POSTN: variants seen among roughly 807,000 people sequenced by gnomAD.
POSTN encodes periostin.
A neutral mutation model predicts 104.5 loss-of-function variants in POSTN; 71 were observed. That is an observed-to-expected ratio of 0.68 (90% CI 0.56 to 0.83). The LOEUF (loss-of-function observed/expected upper bound fraction) is 0.83. Among genes scored for constraint, POSTN ranks in the 40% least tolerant of loss-of-function variants. The pLI is 0.00. For missense variants in POSTN, 949 were observed against 1,006.8 expected, an observed-to-expected ratio of 0.94 and a Z score of 0.78; for synonymous variants, 355 against 340.7, an observed-to-expected ratio of 1.04 and a Z score of -0.46.
chr13:37,582,845 G>A (rs545466012), intron 9 of POSTN, among the ~76,000 whole-genome samples: 1 of 152,270 alleles, frequency 6.6e-6, no homozygotes, highest in Admixed American at 6.5e-5. Context: ...CTGATAATTA[G>A]ATATCTGTTA....
chr13:37,573,642 A>G (rs921637306), intron 17 of POSTN, among the ~76,000 whole-genome samples: 21 of 151,732 alleles, frequency 1.4e-4, no homozygotes, highest in African/African-American at 4.8e-4. Context: ...ACAGTTTCCC[A>G]AAGATTCCAT....
In POSTN at chr13:37,563,302, G is replaced by A; in HGVS notation, c.*31C>T. 8.5e-6 allele frequency: 13 copies of A among 1,528,858 alleles called. No homozygotes were observed. The highest frequency in any genetic ancestry group is 1.2e-5 in the Non-Finnish European group (13 of 1,110,700). 94.7% of individuals were successfully genotyped at this position (1,528,858 alleles called of 1,614,324 possible). ...AAGGTCAGGTTATTGACTTAGGGTT[G>A]TATAAACATTTTTTTCTGGTTTTTG... is the stretch of plus-strand genomic sequence containing the variant. On this transcript the variant is annotated 3_prime_UTR_variant, in exon 23 of 23. Coordinates refer to ENST00000379747, the MANE Select transcript of POSTN (RefSeq NM_006475.3).
chr13:37,576,506 C>T (rs942544255), intron 16 of POSTN, among the ~76,000 whole-genome samples: 1 of 151,876 alleles, frequency 6.6e-6, no homozygotes, highest in East Asian at 1.9e-4. Flanking sequence ...TATTTTTGCT[C>T]ATTGTAATCA....
intron 7 of POSTN, among the ~76,000 whole-genome samples, chr13:37,585,785 A>G (rs1348567224): frequency 1.3e-5 from 2 of 152,192 alleles, no homozygotes; most frequent in African/African-American, 2.4e-5. Context: ...AGTTCTCACA[A>G]CTCAATATCT....
Position 37,598,185 on chromosome 13 carries a change from T to C in POSTN, c.119+423A>G, listed in dbSNP as rs570138218. Among the ~76,000 whole-genome samples the C allele has an allele frequency of 3.3e-5, 5 of 152,300 alleles. No individual in the cohort carries two copies. The East Asian group carries it at 9.6e-4, about 29-fold the overall frequency. ...CAGTATTTAACCTTCATATGTAATTTAAATAAAATTTTCTCTAACATCATG... is the reference window on the plus strand; with the variant it reads ...CAGTATTTAACCTTCATATGTAATTCAAATAAAATTTTCTCTAACATCATG... On this transcript the variant is annotated intron_variant, in intron 1 of 22. Coordinates refer to ENST00000379747, the MANE Select transcript of POSTN (RefSeq NM_006475.3).
chr13:37,569,089 A>G (rs939597098), intron 21 of POSTN: 1 of 375,184 alleles, frequency 2.7e-6, no homozygotes, highest in East Asian at 4.2e-5. Flanking sequence ...ACTTTATACC[A>G]TAGAACTTTT....
intron 2 of POSTN, among the ~76,000 whole-genome samples, chr13:37,593,383 T>C (rs1259706866): frequency 1.3e-5 from 2 of 151,126 alleles, no homozygotes; most frequent in Non-Finnish European, 3.0e-5. Context: ...TCATCTAACA[T>C]AGGTAGCCTA....
chr13:37,571,291 T>C (rs1950255222), intron 18 of POSTN, 78 bp downstream of exon 18: 2 of 939,906 alleles, frequency 2.1e-6, no homozygotes, highest in South Asian at 3.3e-5. Flanking sequence ...ATATCAGATG[T>C]TCAATATTTC....
intron 16 of POSTN, 137 bp from the exon 17 acceptor site, chr13:37,574,789 T>C: frequency 1.7e-6 from 2 of 1,155,838 alleles, no homozygotes; most frequent in South Asian, 1.9e-5. Flanking sequence ...GGCAGTCAGA[T>C]ACAGGAAATA....
intron 21 of POSTN, 131 bp from the exon 22 acceptor site, chr13:37,564,691 T>G (rs930849849): frequency 2.1e-6 from 1 of 483,440 alleles, no homozygotes; most frequent in African/African-American, 2.0e-5. Flanking sequence ...TTTTTAGTAG[T>G]TAAATTTTAT....
intron 22 of POSTN, 78 bp from the exon 23 acceptor site, chr13:37,563,448 A>G: frequency 1.2e-6 from 1 of 866,210 alleles, no homozygotes; most frequent in Non-Finnish European, 1.7e-6. Flanking sequence ...TATTCTCTGT[A>G]TATCTATCAG....
rs748381447 is a variant in POSTN, at chr13:37,563,303, T to C, written c.*30A>G. The C allele has an allele frequency of 2.0e-6, 3 of 1,537,838 alleles. No homozygotes were observed. Among genetic ancestry groups the C allele is most frequent in the Non-Finnish European group, 2.7e-6 (3 of 1,117,284 alleles). ...AGGTCAGGTTATTGACTTAGGGTTG[T>C]ATAAACATTTTTTTCTGGTTTTTGG... On this transcript the variant is annotated 3_prime_UTR_variant, in exon 23 of 23. Transcript: ENST00000379747.
chr13:37,581,624 G>A (rs963092267), intron 10 of POSTN, among the ~76,000 whole-genome samples: 2 of 152,064 alleles, frequency 1.3e-5, no homozygotes, highest in Non-Finnish European at 2.9e-5. Flanking sequence ...TCAGAAGACC[G>A]AGGTGGGAGG....
intron 19 of POSTN, 24 bp downstream of exon 19, chr13:37,570,556 T>G (rs1950234353): frequency 6.9e-7 from 1 of 1,444,164 alleles, no homozygotes. Context: ...TAGGCATAGA[T>G]CCATGTATGG....
chr13:37,569,200 TAACCCA>T, intron 21 of POSTN, 94 bp downstream of exon 21: 1 of 721,076 alleles, frequency 1.4e-6, no homozygotes, highest in African/African-American at 1.9e-5. Context: ...TTTTTTTTTT[TAACCCA>T]ATTAAAAGAA....
Position 37,579,010 on chromosome 13 carries a change from A to T in POSTN, c.1894+9T>A, listed in dbSNP as rs780708297. The T allele has an allele frequency of 5.0e-6, 8 of 1,611,196 alleles. No individual in the cohort carries two copies. The South Asian group carries it at 8.8e-5, about 18-fold the overall frequency. On this transcript the variant is annotated intron_variant, in intron 14 of 22. Transcript: ENST00000379747. ...ACTTAGCCTATCAATGAGTTCAATA[A>T]TTACAAACCTGCTGGATAGAGGAGT...
intron 16 of POSTN, among the ~76,000 whole-genome samples, chr13:37,577,310 T>G (rs1327929827): frequency 6.6e-6 from 1 of 152,166 alleles, no homozygotes; most frequent in East Asian, 1.9e-4. Context: ...ACTGCCACCT[T>G]ATAAACATTG....
At chr13:37,592,063 A>G (rs928031427) in intron 3 of POSTN, 37 bp downstream of exon 3, 15 of 1,465,268 alleles carry the variant, frequency 1.0e-5, no homozygotes, top group Non-Finnish European at 1.3e-5. Context: ...TTCTTTGCAT[A>G]TAATTCCTTA....
At position 37,563,011 on chromosome 13, in the gene POSTN, C is replaced by T. The variant is rs564083613; in HGVS notation, c.*322G>A. 1.8e-4 allele frequency: 34 copies of T among 191,478 alleles called. No individual in the cohort carries two copies. The highest frequency in any genetic ancestry group is 2.0e-3 in the Middle Eastern group (1 of 512). The allele number at this position is 191,478 out of a possible 1,614,324, so 11.9% of individuals were successfully genotyped here. The stretch of plus-strand genomic sequence containing the variant: ...AATGGGATAACAGTTCACAACTCTT[C>T]GATTTGAATTGTAATGAATCTGGTG... On this transcript the variant is annotated 3_prime_UTR_variant, in exon 23 of 23. Transcript: ENST00000379747.
Sources: gnomAD v4.1 joint callset for allele counts (sites outside exome capture counted in the v4.1 genomes callset) on GRCh38, gnomAD v4.1.1 for gene constraint, MANE v1.5 for transcripts, NCBI Gene and HGNC (gene_info 2026-07-23, HGNC 2026-07-21) for gene names.